The following AFF1 variants were observed in gnomAD, a reference collection of about 807,000 sequenced individuals.
AFF1 encodes the protein AF4/FMR2 family member 1.
AFF1 carries 48 observed loss-of-function variants against 121.7 expected under a neutral mutation model. That is an observed-to-expected ratio of 0.39 (90% CI 0.31 to 0.50). AFF1 has a LOEUF of 0.50. Ranked by LOEUF, AFF1 falls within the 20% of genes least tolerant of loss-of-function variation. AFF1 has a pLI of 0.76. For synonymous variants in AFF1, 613 were observed against 563.0 expected, an observed-to-expected ratio of 1.09 and a Z score of -1.26; for missense variants, 1,523 against 1,511.7, an observed-to-expected ratio of 1.01 and a Z score of -0.12.
intron 4 of AFF1, among the ~76,000 whole-genome samples, chr4:87,050,490 C>T (rs1211441794): frequency 6.6e-6 from 1 of 152,150 alleles, no homozygotes; most frequent in Non-Finnish European, 1.5e-5. Flanking sequence ...AGTGTGGATT[C>T]TTTACTCCCT....
chr4:86,937,144 AAATG>A (rs201876373), intron 1 of AFF1, among the ~76,000 whole-genome samples: 1,612 of 152,360 alleles, frequency 0.011, 16 homozygotes, highest in Non-Finnish European at 0.015. Context: ...ACCTGCAAGA[AAATG>A]AACTGTTAAA....
intron 2 of AFF1, among the ~76,000 whole-genome samples, chr4:86,966,153 C>G (rs972892900): frequency 6.7e-6 from 1 of 150,108 alleles, no homozygotes; most frequent in Non-Finnish European, 1.5e-5. Flanking sequence ...AAATATGCAT[C>G]TTACCCACAC....
chr4:87,019,058 G>GT (rs1727626886), intron 2 of AFF1, among the ~76,000 whole-genome samples: 2 of 152,180 alleles, frequency 1.3e-5, no homozygotes, highest in South Asian at 2.1e-4. Flanking sequence ...GGGAAGTGGG[G>GT]TGAAAGATGG....
intron 11 of AFF1, among the ~76,000 whole-genome samples, chr4:87,112,280 A>G (rs1726615264): frequency 6.6e-6 from 1 of 152,222 alleles, no homozygotes. Context: ...ACGGATTTAG[A>G]TTACATGTGA....
intron 4 of AFF1, among the ~76,000 whole-genome samples, chr4:87,054,905 C>T (rs1327697902): frequency 6.6e-6 from 1 of 152,148 alleles, no homozygotes; most frequent in Non-Finnish European, 1.5e-5. Flanking sequence ...TCCCTACCGC[C>T]CCCCACACTT....
chr4:87,058,630 T>G (rs1257326033), intron 4 of AFF1, among the ~76,000 whole-genome samples: 1 of 152,118 alleles, frequency 6.6e-6, no homozygotes, highest in Admixed American at 6.6e-5. Context: ...ACCTTTCCCT[T>G]ATTACTCAGC....
At chr4:87,072,558 GTC>G (rs1268260657) in intron 4 of AFF1, among the ~76,000 whole-genome samples, 1 of 151,730 alleles carries the variant, frequency 6.6e-6, no homozygotes, top group Non-Finnish European at 1.5e-5. Flanking sequence ...GTTTTGCTCT[GTC>G]TCTCAGGCTG....
chr4:87,068,069 T>C (rs900193452), intron 4 of AFF1, among the ~76,000 whole-genome samples: 5 of 56,874 alleles, frequency 8.8e-5, no homozygotes, highest in Admixed American at 4.4e-4. Context: ...GTGACTGTTA[T>C]GGGATAAATA....
intron 15 of AFF1, 128 bp from the exon 16 acceptor site, chr4:87,127,515 T>G: frequency 1.2e-6 from 1 of 809,620 alleles, no homozygotes; most frequent in Non-Finnish European, 2.0e-6. Flanking sequence ...TTTCCACTTC[T>G]CCTTCTTTGT....
At chr4:87,072,397 G>A (rs116179550) in intron 4 of AFF1, among the ~76,000 whole-genome samples, 3,264 of 150,216 alleles carry the variant, frequency 0.022, 125 homozygotes, top group African/African-American at 0.076. Context: ...AATTCAGAAG[G>A]CATTAAGAGG....
intron 6 of AFF1, 37 bp downstream of exon 6, chr4:87,090,107 C>A: frequency 6.5e-7 from 1 of 1,538,878 alleles, no homozygotes; most frequent in Non-Finnish European, 9.0e-7. Flanking sequence ...TTGCATCCAC[C>A]TTAGTGAAAA....
chr4:87,069,271 CTTTTTTTTTTT>C lies in AFF1; in HGVS notation c.1060-14837_1060-14827del, dbSNP rs753186809. Reference sequence around the variant, plus strand: ...ACAGGTGGCGTGGTGTGTGTGGCCTCTTTTTTTTTTTTTTTTTTTTTTGGCTACCACTAGAG... The same window carrying C: ...ACAGGTGGCGTGGTGTGTGTGGCCTCTTTTTTTTTTTGGCTACCACTAGAG... On this transcript the variant is annotated intron_variant, in intron 4 of 20. Coordinates refer to ENST00000395146, the MANE Select transcript of AFF1 (RefSeq NM_001166693.3). Among the ~76,000 whole-genome samples, 15 of 80,568 alleles carry C rather than the reference CTTTTTTTTTTT, an allele frequency of 1.9e-4. No homozygotes were observed. The South Asian group carries it at 3.3e-3, about 18-fold the overall frequency. 52.9% of individuals were successfully genotyped at this position (80,568 alleles called of 152,430 possible).
intron 12 of AFF1, among the ~76,000 whole-genome samples, chr4:87,122,881 TAAAAAAAAAAAA>T (rs3036188): frequency 5.2e-5 from 5 of 96,646 alleles, no homozygotes; most frequent in African/African-American, 2.1e-4. Flanking sequence ...GGAAAATTAG[TAAAAAAAAAAAA>T]AAAAAAAAAA....
chr4:87,068,248 A>C (rs1319803061), intron 4 of AFF1, among the ~76,000 whole-genome samples: 2 of 112,692 alleles, frequency 1.8e-5, no homozygotes, highest in Non-Finnish European at 3.5e-5. Context: ...TAATGTAAGC[A>C]TGAAAATTGC....
intron 2 of AFF1, among the ~76,000 whole-genome samples, chr4:86,990,111 C>T (rs1363437017): frequency 6.6e-6 from 1 of 151,932 alleles, no homozygotes; most frequent in Admixed American, 6.6e-5. Context: ...ACAACCTTAG[C>T]ACATGTATAC....
At chr4:87,036,669 G>A (rs1426508435) in intron 2 of AFF1, 9 of 323,288 alleles carry the variant, frequency 2.8e-5, no homozygotes, top group Non-Finnish European at 5.5e-5. Flanking sequence ...TATCTGTAAG[G>A]TAAAAAATAC....
rs914378124 is a variant in AFF1 at position 87,117,101 on chromosome 4, C to T, written c.2466+1802C>T. Among the ~76,000 whole-genome samples the T allele has an allele frequency of 2.0e-5, 3 of 152,066 alleles. No individual in the cohort carries two copies. The East Asian group carries it at 5.8e-4, about 29-fold the overall frequency. On this transcript the variant is annotated intron_variant, in intron 12 of 20. Transcript: ENST00000395146. Reference sequence around the variant, plus strand: ...ACCTACCAGGTGGCAATGTTAGAACCCGGAGGATCCCCCAGAGAGCTCAGT... The same window carrying T: ...ACCTACCAGGTGGCAATGTTAGAACTCGGAGGATCCCCCAGAGAGCTCAGT...
chr4:87,126,323 C>A lies in AFF1; in HGVS notation c.2798C>A (p.Ser933Tyr). 2.5e-6 allele frequency: 4 copies of A among 1,614,068 alleles called. No individual in the cohort carries two copies. Among genetic ancestry groups the A allele is most frequent in the Non-Finnish European group, 3.4e-6 (4 of 1,179,956 alleles). Residue 933 changes from serine (S) to tyrosine (Y), a missense_variant, in exon 14 of 21, where the codon TCC becomes TAC. Around this residue, in one of 5 missense-constraint regions of AFF1, gnomAD observed 905 missense variants for 842.5 expected, o/e 1.07. Coordinates refer to ENST00000395146, the MANE Select transcript of AFF1 (RefSeq NM_001166693.3). ...GTAGAGGGGAAGGGCTCCAGAAGCT[C>A]CTCGGAGCACAAGGTGAGCAGGGGC... is the stretch of plus-strand genomic sequence containing the variant. The part of the protein sequence containing the change: ...RRVEGKGSRS[S>Y]SEHKGSSGDT...
chr4:87,012,601 G>A (rs1726890651), intron 2 of AFF1, among the ~76,000 whole-genome samples: 1 of 152,128 alleles, frequency 6.6e-6, no homozygotes, highest in South Asian at 2.1e-4. Context: ...CCTTCAGATG[G>A]TCCTCAATTC....
Sources: allele counts gnomAD v4.1 joint callset (sites outside exome capture counted in the v4.1 genomes callset), GRCh38; gene constraint gnomAD v4.1.1; regional missense constraint gnomAD v4.1.1; transcripts MANE v1.5; gene names NCBI Gene and HGNC (gene_info 2026-07-23, HGNC 2026-07-21).